The following ESYT2 variants were observed in gnomAD, a reference collection of about 807,000 sequenced individuals.
ESYT2 encodes the protein extended synaptotagmin 2.
Under a neutral mutation model 107.2 loss-of-function variants are expected in ESYT2, and 54 were observed. The ratio of observed to expected loss-of-function variants is 0.50; its 90% confidence interval spans 0.40 to 0.63. The LOEUF (loss-of-function observed/expected upper bound fraction) is 0.63. ESYT2 is among the 30% of genes least tolerant of loss of function. The probability of loss-of-function intolerance (pLI) is 0.00; values close to 1 mark genes in which losing one functional copy is unlikely to be tolerated. For synonymous variants in ESYT2, 491 were observed against 434.1 expected (o/e 1.13, Z -1.63); for missense variants, 1,020 against 1,094.5 (o/e 0.93, Z 0.96).
intron 1 of ESYT2, among the ~76,000 whole-genome samples, chr7:158,809,017 T>C (rs990554929): frequency 1.1e-4 from 16 of 151,810 alleles, no homozygotes; most frequent in African/African-American, 3.9e-4. Context: ...AACCAATAAA[T>C]AAACAAATAA....
At chr7:158,782,210 CGT>C (rs1028605695) in intron 6 of ESYT2, among the ~76,000 whole-genome samples, 11 of 139,372 alleles carry the variant, frequency 7.9e-5, no homozygotes, top group East Asian at 2.1e-4. Flanking sequence ...CAAGTGTGAA[CGT>C]GTGAGAACAG....
intron 15 of ESYT2, among the ~76,000 whole-genome samples, chr7:158,748,708 T>TA (rs1486946843): frequency 2.0e-5 from 3 of 152,110 alleles, no homozygotes; most frequent in African/African-American, 7.2e-5. Context: ...TCTTTCTTTT[T>TA]TTTTTTATTT....
chr7:158,768,192 C>T (rs575633871), intron 7 of ESYT2, among the ~76,000 whole-genome samples: 13 of 152,144 alleles, frequency 8.5e-5, no homozygotes, highest in Non-Finnish European at 1.6e-4. Flanking sequence ...CTATTTCAAA[C>T]ATACATATAA....
chr7:158,813,869 C>T (rs1230197773), intron 1 of ESYT2, among the ~76,000 whole-genome samples: 2 of 150,416 alleles, frequency 1.3e-5, no homozygotes, highest in East Asian at 2.0e-4. Context: ...AGATCAAAAA[C>T]GTTTTAAAAA....
chr7:158,753,599 A>AT (rs775077906), intron 13 of ESYT2, among the ~76,000 whole-genome samples: 4,304 of 132,752 alleles, frequency 0.032, 80 homozygotes, highest in South Asian at 0.08. Context: ...TAAATGTTTA[A>AT]TTTTTTTTTT....
intron 1 of ESYT2, among the ~76,000 whole-genome samples, chr7:158,824,288 C>T (rs970753344): frequency 7.2e-5 from 11 of 152,198 alleles, no homozygotes; most frequent in Non-Finnish European, 2.9e-5. Context: ...CATGACCACT[C>T]GGATTCAGGT....
In ESYT2 at chr7:158,804,421, C is replaced by T. The variant is rs188502023; in HGVS notation, c.331-5349G>A. Among the ~76,000 whole-genome samples the T allele has an allele frequency of 6.6e-3, 958 of 144,250 alleles. 16 individuals are homozygous for T. The highest frequency in any genetic ancestry group is 0.011 in the Middle Eastern group (3 of 266). The allele number at this position is 144,250 out of a possible 152,430, so 94.6% of individuals were successfully genotyped here. A position where few individuals can be genotyped will look rare whatever the true frequency, so the allele number is the denominator to read the frequency against. On this transcript the variant is annotated intron_variant, in intron 1 of 22. Transcript: ENST00000275418. Reference sequence around the variant, plus strand: ...CCAAACTGTTGAGAAAAGTGAGGCACGTGACAAACCCAAACTGCCGAGAAA... The same window carrying T: ...CCAAACTGTTGAGAAAAGTGAGGCATGTGACAAACCCAAACTGCCGAGAAA...
At position 158,782,367 on chromosome 7, in the gene ESYT2, AGT is replaced by A. The variant is rs1287029409; in HGVS notation, c.747+5635_747+5636del. ...GTGAGTGTAAGAACGTGAGTGAACG[AGT>A]GTGAGAACAAAGTGAGGTAAGAACG... On this transcript the variant is annotated intron_variant, in intron 6 of 22. Transcript: ENST00000275418. Among the ~76,000 whole-genome samples the A allele has an allele frequency of 8.9e-5, 12 of 135,530 alleles. 1 individual carries two copies. Among genetic ancestry groups the A allele is most frequent in the African/African-American group, 2.3e-4 (8 of 34,888 alleles). The allele number at this position is 135,530 out of a possible 152,430, so 88.9% of individuals were successfully genotyped here. A position where few individuals can be genotyped will look rare whatever the true frequency, so the allele number is the denominator to read the frequency against.
chr7:158,785,160 C>T lies in ESYT2; in HGVS notation c.747+2844G>A, dbSNP rs141799134. 1.6e-4 allele frequency among the ~76,000 whole-genome samples: 25 copies of T among 152,212 alleles called. 1 individual carries two copies. In the East Asian group the frequency reaches 4.6e-3, roughly 28 times the overall value. On this transcript the variant is annotated intron_variant, in intron 6 of 22. Coordinates refer to ENST00000275418, the MANE Select transcript of ESYT2 (RefSeq NM_001367773.1). The stretch of plus-strand genomic sequence containing the variant: ...TCTAGTGGCCGGGCACGGTGGCTCA[C>T]GCCTGTAATCCCAGTACTCTGGGAG...
intron 16 of ESYT2, among the ~76,000 whole-genome samples, chr7:158,747,073 C>T (rs536325285): frequency 2.2e-4 from 33 of 149,962 alleles, no homozygotes; most frequent in Admixed American, 1.6e-3. Flanking sequence ...AGGCGGGGTG[C>T]GTTGGCTCAC....
chr7:158,772,302 G>GA (rs1234179202), intron 7 of ESYT2, among the ~76,000 whole-genome samples: 1 of 152,014 alleles, frequency 6.6e-6, no homozygotes, highest in African/African-American at 2.4e-5. Flanking sequence ...CACCTAAAAA[G>GA]GACTTTCATG....
intron 1 of ESYT2, among the ~76,000 whole-genome samples, chr7:158,801,232 GAACTGGCTTGTATTAGAATTTACTGGTT>G (rs754861704): frequency 8.7e-4 from 133 of 152,278 alleles, no homozygotes; most frequent in Admixed American, 1.6e-3. Flanking sequence ...GAATATAAGT[GAACTGGCTTGTATTAGAATTTACTGGTT>G]AACTGGCTTG....
intron 18 of ESYT2, among the ~76,000 whole-genome samples, chr7:158,740,642 T>C (rs1259782989): frequency 6.6e-6 from 1 of 152,212 alleles, no homozygotes; most frequent in African/African-American, 2.4e-5. Flanking sequence ...TCATTTCTAC[T>C]TCCCAAATTG....
At chr7:158,771,756 G>C (rs532454893) in intron 7 of ESYT2, among the ~76,000 whole-genome samples, 17 of 152,182 alleles carry the variant, frequency 1.1e-4, no homozygotes, top group African/African-American at 4.1e-4. Flanking sequence ...ATGCACGAGC[G>C]GCTGCAGCTA....
At chr7:158,754,338 C>T (rs1266643162) in intron 13 of ESYT2, among the ~76,000 whole-genome samples, 1 of 152,132 alleles carries the variant, frequency 6.6e-6, no homozygotes, top group African/African-American at 2.4e-5. Context: ...TCCCAAAAAG[C>T]TGGGACTACA....
At chr7:158,802,812 A>C (rs1839683969) in intron 1 of ESYT2, among the ~76,000 whole-genome samples, 1 of 152,236 alleles carries the variant, frequency 6.6e-6, no homozygotes, top group African/African-American at 2.4e-5. Flanking sequence ...AATACCTTTA[A>C]GTAAAATTTA....
chr7:158,798,350 G>A (rs1400445584), intron 2 of ESYT2, among the ~76,000 whole-genome samples: 1 of 152,032 alleles, frequency 6.6e-6, no homozygotes, highest in Non-Finnish European at 1.5e-5. Context: ...TTTCAACTTG[G>A]TGCTGAAAAC....
intron 11 of ESYT2, among the ~76,000 whole-genome samples, chr7:158,760,727 C>A (rs553960136): frequency 3.9e-5 from 6 of 152,292 alleles, no homozygotes; most frequent in African/African-American, 1.4e-4. Flanking sequence ...ATTCATCACT[C>A]TATACTAATA....
At chr7:158,788,489 A>T (rs1839182639) in intron 4 of ESYT2, 72 bp from the exon 5 acceptor site, 1 of 1,254,964 alleles carries the variant, frequency 8.0e-7, no homozygotes, top group South Asian at 1.4e-5. Context: ...GACCTGCAAG[A>T]TGTATAATCT....
Sources: gnomAD v4.1 joint callset for allele counts (sites outside exome capture counted in the v4.1 genomes callset) on GRCh38, gnomAD v4.1.1 for gene constraint, MANE v1.5 for transcripts, NCBI Gene and HGNC (gene_info 2026-07-23, HGNC 2026-07-21) for gene names.